The following ATL2 variants were observed in gnomAD, a reference collection of about 807,000 sequenced individuals.
The protein encoded by ATL2 is atlastin-2.
A neutral mutation model predicts 73.9 loss-of-function variants in ATL2; 31 were observed. That is an observed-to-expected ratio of 0.42 (90% CI 0.32 to 0.57). The LOEUF (loss-of-function observed/expected upper bound fraction) is 0.57, where lower values mean the gene tolerates loss of function less well. Ranked by LOEUF, ATL2 falls within the 20% of genes least tolerant of loss-of-function variation. The probability of loss-of-function intolerance (pLI) is 0.14; values close to 1 mark genes in which losing one functional copy is unlikely to be tolerated. For synonymous variants in ATL2, 291 were observed against 237.5 expected (o/e 1.23, Z -2.07); for missense variants, 738 against 702.6 (o/e 1.05, Z -0.57).
At position 38,357,521 on chromosome 2, in the gene ATL2, G is replaced by A. The variant is rs1283729870; in HGVS notation, c.119-14009C>T. On this transcript the variant is annotated intron_variant, in intron 1 of 12. Coordinates refer to ENST00000378954, the MANE Select transcript of ATL2 (RefSeq NM_001135673.4). ...ATACAAAAATTAGCTGGGCGTGGTG[G>A]CACACCTGTAGTCCCAGCTATTCAG... is the stretch of plus-strand genomic sequence containing the variant. Among the ~76,000 whole-genome samples, 3 of 151,384 alleles carry A rather than the reference G, an allele frequency of 2.0e-5. No homozygotes were observed. The East Asian group carries it at 5.8e-4, about 29-fold the overall frequency.
chr2:38,314,461 T>C (rs1374122342), intron 6 of ATL2, 147 bp downstream of exon 6: 1 of 571,922 alleles, frequency 1.7e-6, no homozygotes. Flanking sequence ...ATGCTGATGA[T>C]ACTACCAAAG....
intron 1 of ATL2, among the ~76,000 whole-genome samples, chr2:38,356,178 A>C (rs1403605842): frequency 2.0e-5 from 3 of 152,110 alleles, no homozygotes; most frequent in Admixed American, 2.0e-4. Flanking sequence ...CTAACCCAAA[A>C]TATTAGCATT....
intron 9 of ATL2, among the ~76,000 whole-genome samples, chr2:38,301,001 G>A (rs868609035): frequency 6.9e-6 from 1 of 144,530 alleles, no homozygotes; most frequent in Non-Finnish European, 1.5e-5. Flanking sequence ...AAGGAATTTC[G>A]CTCTTATTGC....
intron 1 of ATL2, among the ~76,000 whole-genome samples, chr2:38,351,182 T>C (rs1169199951): frequency 6.6e-6 from 1 of 152,188 alleles, no homozygotes; most frequent in South Asian, 2.1e-4. Context: ...AAAAGCTAAG[T>C]AACGTGTTAG....
In ATL2 at chr2:38,362,538, T is replaced by C. The variant is rs117071673; in HGVS notation, c.118+14605A>G. ...TCCAGAGTCTGATTCAGCTGATCCA[T>C]GGAGTCCAGAAATCTACATTTTTAA... is the stretch of plus-strand genomic sequence containing the variant. On this transcript the variant is annotated intron_variant, in intron 1 of 12. Transcript: ENST00000378954. Among the ~76,000 whole-genome samples, 63 of 152,326 alleles carry C rather than the reference T, an allele frequency of 4.1e-4. No homozygotes were observed. The East Asian group carries it at 0.01, about 24-fold the overall frequency.
chr2:38,377,249 C>T lies in ATL2; in HGVS notation c.12G>A (p.Gly4=). Residue 4 remains glycine (G), a synonymous_variant, in exon 1 of 13, where the codon GGG becomes GGA. Transcript: ENST00000378954. Reference sequence around the variant, plus strand: ...GTTGCTGCCCTCGCGCTGCCTCGTCCCCCTCCGCCATCTTGTACCGATTTA... The same window carrying T: ...GTTGCTGCCCTCGCGCTGCCTCGTCTCCCTCCGCCATCTTGTACCGATTTA... MAE[G]DEAARGQQPH... 2 of 1,589,592 alleles carry T rather than the reference C, an allele frequency of 1.3e-6. No individual in the cohort carries two copies. The highest frequency in any genetic ancestry group is 1.7e-6 in the Non-Finnish European group (2 of 1,168,674).
At chr2:38,308,095 T>C (rs148658050) in intron 9 of ATL2, among the ~76,000 whole-genome samples, 2 of 152,304 alleles carry the variant, frequency 1.3e-5, no homozygotes, top group Non-Finnish European at 2.9e-5. Context: ...CCAGCAATGC[T>C]GCTGCTAGGT....
At chr2:38,326,848 C>T (rs1348309110) in intron 2 of ATL2, among the ~76,000 whole-genome samples, 7 of 151,866 alleles carry the variant, frequency 4.6e-5, no homozygotes, top group Admixed American at 2.6e-4. Context: ...ATTAGCCAGG[C>T]GTGGTGGCAC....
At chr2:38,314,730 T>C (rs1304230391) in intron 5 of ATL2, 66 bp from the exon 6 acceptor site, 1 of 1,020,200 alleles carries the variant, frequency 9.8e-7, no homozygotes, top group African/African-American at 1.6e-5. Flanking sequence ...TGTAAACCTG[T>C]TCCACACCAA....
intron 1 of ATL2, among the ~76,000 whole-genome samples, chr2:38,343,873 G>C (rs969830912): frequency 3.9e-5 from 6 of 152,130 alleles, no homozygotes; most frequent in African/African-American, 1.4e-4. Context: ...GATTTTATAA[G>C]AGGTTTCCCT....
chr2:38,344,106 G>C (rs1486448423), intron 1 of ATL2, among the ~76,000 whole-genome samples: 2 of 151,942 alleles, frequency 1.3e-5, no homozygotes, highest in South Asian at 2.1e-4. Flanking sequence ...CTATCTCAAT[G>C]AAGTCTTAAC....
At chr2:38,349,848 G>C (rs1244459887) in intron 1 of ATL2, among the ~76,000 whole-genome samples, 2 of 152,006 alleles carry the variant, frequency 1.3e-5, no homozygotes, top group African/African-American at 4.8e-5. Context: ...ACCATATCTA[G>C]TCTACAGCCT....
chr2:38,338,665 G>A (rs1017653841), intron 2 of ATL2, among the ~76,000 whole-genome samples: 6 of 152,066 alleles, frequency 3.9e-5, no homozygotes, highest in African/African-American at 1.4e-4. Context: ...GTTCTTTGAG[G>A]TTGGGGTGGA....
At chr2:38,337,729 A>G (rs533699292) in intron 2 of ATL2, among the ~76,000 whole-genome samples, 1 of 151,958 alleles carries the variant, frequency 6.6e-6, no homozygotes, top group Admixed American at 6.6e-5. Context: ...ATTGGAATTG[A>G]TAAGTGCTAA....
chr2:38,351,309 T>A (rs1670323270), intron 1 of ATL2, among the ~76,000 whole-genome samples: 1 of 152,156 alleles, frequency 6.6e-6, no homozygotes, highest in Non-Finnish European at 1.5e-5. Flanking sequence ...TATACGATGG[T>A]TAAATATATT....
intron 6 of ATL2, 132 bp downstream of exon 6, chr2:38,314,476 G>C (rs1667922339): frequency 1.7e-6 from 1 of 603,422 alleles, no homozygotes. Flanking sequence ...CCAAAGGTTA[G>C]TTTCGATTGC....
intron 1 of ATL2, chr2:38,354,272 A>G (rs1670534363): frequency 3.3e-6 from 1 of 307,244 alleles, no homozygotes; most frequent in African/African-American, 2.4e-5. Flanking sequence ...AAACATTATC[A>G]AATGGAAAGT....
upstream of ATL2, among the ~76,000 whole-genome samples, chr2:38,378,096 G>T (rs375809577): frequency 7.6e-4 from 115 of 152,304 alleles, no homozygotes; most frequent in African/African-American, 2.5e-3. Context: ...TAAATTACAA[G>T]TCAGCCCGTG....
At position 38,302,141 on chromosome 2, in the gene ATL2, C is replaced by T. The variant is rs543867894; in HGVS notation, c.1072-1813G>A. Among the ~76,000 whole-genome samples the T allele has an allele frequency of 1.4e-3, 212 of 152,276 alleles. 2 individuals are homozygous for T. The highest frequency in any genetic ancestry group is 4.8e-3 in the African/African-American group (200 of 41,548). The stretch of plus-strand genomic sequence containing the variant: ...GACCAAGTCCTGGCAGGGTTCATCA[C>T]GTGCTGACTCAAGAGCCTCTGGGCT... On this transcript the variant is annotated intron_variant, in intron 9 of 12. Transcript: ENST00000378954.
Sources: gnomAD v4.1 joint callset for allele counts (sites outside exome capture counted in the v4.1 genomes callset) on GRCh38, gnomAD v4.1.1 for gene constraint, MANE v1.5 for transcripts, NCBI Gene and HGNC (gene_info 2026-07-23, HGNC 2026-07-21) for gene names.